Variants in PSTPIP2 observed in about 807,000 individuals in gnomAD.
The protein encoded by PSTPIP2 is proline-serine-threonine phosphatase interacting protein 2, also known as proline-serine-threonine phosphatase-interacting protein 2.
PSTPIP2 carries 33 observed loss-of-function variants against 63.3 expected under a neutral mutation model. The ratio of observed to expected loss-of-function variants is 0.52; its 90% CI spans 0.40 to 0.70. The LOEUF is 0.70. PSTPIP2 is among the 30% of genes least tolerant of loss of function. The probability of loss-of-function intolerance (pLI) is 0.00; values close to 1 mark genes in which losing one functional copy is unlikely to be tolerated. For synonymous variants in PSTPIP2, 125 were observed against 132.7 expected, an observed-to-expected ratio of 0.94 and a Z score of 0.40; for missense variants, 312 against 400.7, an observed-to-expected ratio of 0.78 and a Z score of 1.89.
At position 46,049,008 on chromosome 18, in the gene PSTPIP2, ATGTGTGTGTGTGTGTGTGTGTGTG is replaced by A. The variant is rs59638072; in HGVS notation, c.34-8985_34-8962del. On this transcript the variant is annotated intron_variant, in intron 1 of 14. Transcript: ENST00000409746. ...CTTTCAAATGGTTCAGAAAAAAAGCATGTGTGTGTGTGTGTGTGTGTGTGTGTGTGTGTGTGTGTGTGTGTGTGG... is the reference window on the plus strand; with the variant it reads ...CTTTCAAATGGTTCAGAAAAAAAGCATGTGTGTGTGTGTGTGTGTGTGTGG... Among the ~76,000 whole-genome samples, 679 of 136,368 alleles carry A rather than the reference ATGTGTGTGTGTGTGTGTGTGTGTG, an allele frequency of 5.0e-3. 3 individuals are homozygous for A. Among genetic ancestry groups the A allele is most frequent in the Non-Finnish European group, 8.3e-3 (521 of 62,786 alleles). 89.5% of individuals were successfully genotyped at this position (136,368 alleles called of 152,430 possible). A position where few individuals can be genotyped will look rare whatever the true frequency, so the allele number is the denominator to read the frequency against.
chr18:46,011,363 A>G (rs1362553009), intron 4 of PSTPIP2, 76 bp from the exon 5 acceptor site: 2 of 1,157,250 alleles, frequency 1.7e-6, no homozygotes, highest in African/African-American at 1.6e-5. Context: ...TACAAAATAA[A>G]TATGTATATA....
At chr18:46,056,279 C>T (rs1481197278) in intron 1 of PSTPIP2, among the ~76,000 whole-genome samples, 1 of 152,228 alleles carries the variant, frequency 6.6e-6, no homozygotes, top group African/African-American at 2.4e-5. Flanking sequence ...CTTTCCCTGC[C>T]CACCCCAAAT....
At chr18:46,065,992 AAG>A (rs1199386489) in intron 1 of PSTPIP2, among the ~76,000 whole-genome samples, 3 of 152,220 alleles carry the variant, frequency 2.0e-5, no homozygotes, top group Non-Finnish European at 2.9e-5. Context: ...AAAGTTGGGA[AAG>A]TACCAAATCA....
At chr18:45,991,844 A>G in intron 12 of PSTPIP2, 58 bp downstream of exon 12, 2 of 1,453,934 alleles carry the variant, frequency 1.4e-6, no homozygotes, top group Non-Finnish European at 1.9e-6. Flanking sequence ...TAGAACATTC[A>G]TGATAACAAT....
At chr18:46,026,447 A>G (rs556585958) in intron 2 of PSTPIP2, among the ~76,000 whole-genome samples, 1 of 152,360 alleles carries the variant, frequency 6.6e-6, no homozygotes, top group South Asian at 2.1e-4. Flanking sequence ...TTCTTTATAG[A>G]CTATGTATAT....
At chr18:45,997,913 A>G (rs1178017348) in intron 8 of PSTPIP2, 85 bp from the exon 9 acceptor site, 19 of 1,164,324 alleles carry the variant, frequency 1.6e-5, no homozygotes, top group Non-Finnish European at 1.9e-5. Context: ...TCAGATGGCA[A>G]AAGAAACTCA....
intron 2 of PSTPIP2, among the ~76,000 whole-genome samples, chr18:46,024,965 GA>G (rs1907526285): frequency 6.6e-6 from 1 of 152,188 alleles, no homozygotes; most frequent in Admixed American, 6.5e-5. Flanking sequence ...AGTGGAATAA[GA>G]AATGCCCAAC....
At chr18:46,067,250 C>T (rs1046099796) in intron 1 of PSTPIP2, among the ~76,000 whole-genome samples, 1 of 152,050 alleles carries the variant, frequency 6.6e-6, no homozygotes, top group Non-Finnish European at 1.5e-5. Flanking sequence ...CTCCTGTAAT[C>T]CCAGCACTTT....
At chr18:46,028,526 G>A in intron 2 of PSTPIP2, 1 of 658,010 alleles carries the variant, frequency 1.5e-6, no homozygotes, top group Middle Eastern at 3.7e-4. Context: ...ACACGCTGCT[G>A]CGGCGTCTGC....
chr18:45,998,519 A>G (rs2051627725), intron 8 of PSTPIP2, among the ~76,000 whole-genome samples: 1 of 152,116 alleles, frequency 6.6e-6, no homozygotes, highest in Non-Finnish European at 1.5e-5. Flanking sequence ...ATCTAAGCAG[A>G]CAGAAGCCAG....
intron 8 of PSTPIP2, 71 bp from the exon 9 acceptor site, chr18:45,997,899 G>C (rs10468858): frequency 0.15 from 201,477 of 1,346,282 alleles, 18,608 homozygotes; most frequent in East Asian, 0.43. Flanking sequence ...CCCACAGGCT[G>C]GTCTCAGATG....
At chr18:46,026,479 TA>T (rs1247922693) in intron 2 of PSTPIP2, among the ~76,000 whole-genome samples, 1 of 152,250 alleles carries the variant, frequency 6.6e-6, no homozygotes, top group African/African-American at 2.4e-5. Flanking sequence ...TTACATATGT[TA>T]CAAAGTTTCT....
chr18:46,069,714 A>G, intron 1 of PSTPIP2, among the ~76,000 whole-genome samples: 1 of 152,222 alleles, frequency 6.6e-6, no homozygotes, highest in Non-Finnish European at 1.5e-5. Flanking sequence ...GAACATGTAC[A>G]AACACGTTTG....
chr18:46,048,982 A>G (rs1863778631), intron 1 of PSTPIP2, among the ~76,000 whole-genome samples: 1 of 149,484 alleles, frequency 6.7e-6, no homozygotes, highest in Admixed American at 6.7e-5. Context: ...CTACTTCTTT[A>G]CTTTCAAATG....
intron 10 of PSTPIP2, among the ~76,000 whole-genome samples, chr18:45,993,363 G>A (rs1363733469): frequency 6.6e-6 from 1 of 152,176 alleles, no homozygotes; most frequent in East Asian, 1.9e-4. Flanking sequence ...CCAAAGTTCT[G>A]AGATTACAGG....
At chr18:46,030,651 C>A (rs897264363) in intron 2 of PSTPIP2, among the ~76,000 whole-genome samples, 5 of 152,182 alleles carry the variant, frequency 3.3e-5, no homozygotes, top group African/African-American at 1.2e-4. Context: ...AATTTGGATT[C>A]ATTTCTTGCT....
intron 1 of PSTPIP2, among the ~76,000 whole-genome samples, chr18:46,061,973 C>T (rs1909008220): frequency 6.6e-6 from 1 of 152,142 alleles, no homozygotes; most frequent in Admixed American, 6.5e-5. Flanking sequence ...GCTATTCTTT[C>T]AATAGTAACA....
rs2051453492 is a variant in PSTPIP2, at chr18:45,985,024, A to T, written c.*435T>A. The T allele has an allele frequency of 5.6e-6, 1 of 178,028 alleles. No individual in the cohort carries two copies. The allele number at this position is 178,028 out of a possible 1,614,324, so 11.0% of individuals were successfully genotyped here. ...TCCAGCCAAAAAGGAAGGTAATTTT[A>T]AATCTTGCACCACTGAGGCTGTGTG... On this transcript the variant is annotated 3_prime_UTR_variant, in exon 15 of 15. Coordinates refer to ENST00000409746, the MANE Select transcript of PSTPIP2 (RefSeq NM_024430.4).
At chr18:46,068,527 T>C (rs1158501708) in intron 1 of PSTPIP2, among the ~76,000 whole-genome samples, 3 of 151,840 alleles carry the variant, frequency 2.0e-5, no homozygotes, top group Non-Finnish European at 4.4e-5. Context: ...CTCGATCTCC[T>C]GACCTCGTGA....
Sources: gnomAD v4.1 joint callset for allele counts (sites outside exome capture counted in the v4.1 genomes callset) on GRCh38, gnomAD v4.1.1 for gene constraint, MANE v1.5 for transcripts, NCBI Gene and HGNC (gene_info 2026-07-23, HGNC 2026-07-21) for gene names.